RPS6KA5: variants seen among roughly 807,000 people sequenced by gnomAD.
RPS6KA5 encodes the protein ribosomal protein S6 kinase A5.
A neutral mutation model predicts 85.5 loss-of-function variants in RPS6KA5; 27 were observed. The ratio of observed to expected loss-of-function variants is 0.32; its 90% CI spans 0.23 to 0.44. The LOEUF is 0.44. Among genes scored for constraint, RPS6KA5 ranks in the 20% least tolerant of loss-of-function variants. The pLI is 1.00. For synonymous variants in RPS6KA5, 334 were observed against 348.2 expected (o/e 0.96, Z 0.46); for missense variants, 811 against 980.9 (o/e 0.83, Z 2.31).
intron 1 of RPS6KA5, among the ~76,000 whole-genome samples, chr14:91,019,018 T>C (rs946137258): frequency 1.3e-5 from 2 of 152,058 alleles, no homozygotes; most frequent in Non-Finnish European, 2.9e-5. Context: ...TCCAAAGGTT[T>C]TGCACCCTCT....
chr14:90,936,805 T>A (rs1379958901), intron 5 of RPS6KA5, among the ~76,000 whole-genome samples: 7 of 152,068 alleles, frequency 4.6e-5, no homozygotes, highest in Non-Finnish European at 8.8e-5. Flanking sequence ...TCCTGAAGAT[T>A]AAATATATTT....
chr14:90,875,966 T>C (rs938781822), intron 14 of RPS6KA5, among the ~76,000 whole-genome samples: 2 of 150,984 alleles, frequency 1.3e-5, no homozygotes, highest in African/African-American at 4.9e-5. Flanking sequence ...GATGAGTTAA[T>C]GGGTGCAGCA....
At chr14:90,966,316 T>C (rs2039059921) in intron 3 of RPS6KA5, among the ~76,000 whole-genome samples, 1 of 152,180 alleles carries the variant, frequency 6.6e-6, no homozygotes, top group Admixed American at 6.5e-5. Context: ...CAGGGGCTGC[T>C]AGAGAAGCAA....
rs2140121902 is a variant in RPS6KA5 at position 90,866,649 on chromosome 14, T to C, written c.*5425A>G. 1 of 152,360 alleles carries C rather than the reference T, an allele frequency of 6.6e-6. No homozygotes were observed. The allele number at this position is 152,360 out of a possible 1,614,324, so 9.4% of individuals were successfully genotyped here. A position where few individuals can be genotyped will look rare whatever the true frequency, so the allele number is the denominator to read the frequency against. On this transcript the variant is annotated 3_prime_UTR_variant, in exon 17 of 17. Transcript: ENST00000614987. ...CATAGATTGTTGCAGCTTAGATTAT[T>C]TTCAAGAAGTTTAAATTCTACACAT...
intron 14 of RPS6KA5, among the ~76,000 whole-genome samples, chr14:90,876,667 G>C (rs912146574): frequency 2.0e-5 from 3 of 152,134 alleles, no homozygotes; most frequent in African/African-American, 7.2e-5. Flanking sequence ...CTGTGTCTGG[G>C]TATGGACCAG....
chr14:91,052,399 C>A (rs1246872296), intron 1 of RPS6KA5: 2 of 355,892 alleles, frequency 5.6e-6, no homozygotes, highest in South Asian at 2.0e-5. Flanking sequence ...ACCCAGGAGG[C>A]GGAGGTTATA....
intron 1 of RPS6KA5, among the ~76,000 whole-genome samples, chr14:91,022,829 G>A (rs1423874310): frequency 1.3e-5 from 2 of 152,140 alleles, no homozygotes; most frequent in African/African-American, 4.8e-5. Context: ...GCTCACACAT[G>A]TAATCCCAGC....
At chr14:90,887,019 A>G (rs2034270979) in intron 14 of RPS6KA5, among the ~76,000 whole-genome samples, 1 of 152,254 alleles carries the variant, frequency 6.6e-6, no homozygotes, top group Non-Finnish European at 1.5e-5. Context: ...AGGAGACTTC[A>G]AATAAATTTT....
At chr14:90,876,188 A>G (rs1217870405) in intron 14 of RPS6KA5, among the ~76,000 whole-genome samples, 1 of 152,236 alleles carries the variant, frequency 6.6e-6, no homozygotes, top group Non-Finnish European at 1.5e-5. Context: ...AAGAACAGAA[A>G]AGGATAATCC....
At position 91,060,367 on chromosome 14, in the gene RPS6KA5, T is replaced by C. The variant is rs1369945741; in HGVS notation, c.68A>G (p.Glu23Gly). Residue 23 changes from glutamate (E) to glycine (G), a missense_variant, in exon 1 of 17, where the codon GAG (glutamate) becomes GGG (glycine). Transcript: ENST00000614987. ...GTSADGGDGG[E>G]QLLTVKHELR... is the part of the protein sequence containing the mutation. ...CTCGTGCTTGACAGTGAGGAGCTGC[T>C]CTCCTCCGTCGCCGCCGTCCGCGCT... 2 of 1,503,142 alleles carry C rather than the reference T, an allele frequency of 1.3e-6. No homozygotes were observed. The highest frequency in any genetic ancestry group is 2.6e-5 in the South Asian group (2 of 77,844). 93.1% of individuals were successfully genotyped at this position (1,503,142 alleles called of 1,614,324 possible). A position where few individuals can be genotyped will look rare whatever the true frequency, so the allele number is the denominator to read the frequency against.
intron 14 of RPS6KA5, among the ~76,000 whole-genome samples, chr14:90,875,882 T>A (rs2033431855): frequency 8.9e-6 from 1 of 112,612 alleles, no homozygotes; most frequent in Admixed American, 1.3e-4. Flanking sequence ...AAGGGGAACA[T>A]CACACACCGG....
chr14:90,904,302 A>G (rs1487355103), intron 8 of RPS6KA5, among the ~76,000 whole-genome samples: 1 of 152,218 alleles, frequency 6.6e-6, no homozygotes, highest in African/African-American at 2.4e-5. Context: ...CCTGGCCCAT[A>G]AAATGTTTTT....
chr14:90,962,582 C>A (rs549173667), intron 3 of RPS6KA5, among the ~76,000 whole-genome samples: 4 of 150,220 alleles, frequency 2.7e-5, no homozygotes, highest in Non-Finnish European at 4.4e-5. Context: ...CCACCATGCC[C>A]GGCCTAGATT....
intron 2 of RPS6KA5, among the ~76,000 whole-genome samples, chr14:90,982,687 T>C (rs755320233): frequency 6.6e-6 from 1 of 152,082 alleles, no homozygotes; most frequent in African/African-American, 2.4e-5. Flanking sequence ...TTAAGAAATA[T>C]AAGCAAGGGG....
At chr14:91,058,338 T>C (rs2043409766) in intron 1 of RPS6KA5, among the ~76,000 whole-genome samples, 1 of 152,170 alleles carries the variant, frequency 6.6e-6, no homozygotes, top group African/African-American at 2.4e-5. Context: ...ATTCACACAG[T>C]TAGAAGAGAG....
rs1000368262 is a variant in RPS6KA5 at position 91,060,574 on chromosome 14, CTT to C, written c.-142_-141del. Reference sequence around the variant, plus strand: ...AGAACTCGGACGCAAAGACGAGTCTCTTTCCCGCTCTGGCCGCACGGCTCGCT... The same window carrying C: ...AGAACTCGGACGCAAAGACGAGTCTCTCCCGCTCTGGCCGCACGGCTCGCT... On this transcript the variant is annotated 5_prime_UTR_variant, in exon 1 of 17. Transcript: ENST00000614987. 1 of 1,101,922 alleles carries C rather than the reference CTT, an allele frequency of 9.1e-7. No individual in the cohort carries two copies. The highest frequency in any genetic ancestry group is 3.3e-5 in the East Asian group (1 of 30,420). The allele number at this position is 1,101,922 out of a possible 1,614,324, so 68.3% of individuals were successfully genotyped here.
At chr14:90,882,401 G>C (rs1209674657) in intron 14 of RPS6KA5, among the ~76,000 whole-genome samples, 1 of 152,210 alleles carries the variant, frequency 6.6e-6, no homozygotes, top group Non-Finnish European at 1.5e-5. Context: ...AAAAGGTGAA[G>C]TTATAAACTG....
intron 1 of RPS6KA5, among the ~76,000 whole-genome samples, chr14:91,019,304 G>C (rs2041639951): frequency 1.3e-5 from 2 of 152,176 alleles, no homozygotes; most frequent in African/African-American, 4.8e-5. Context: ...AGTGGACTTT[G>C]AGTAAAGCAG....
chr14:90,919,572 T>C (rs918275750), intron 7 of RPS6KA5, among the ~76,000 whole-genome samples: 3 of 152,134 alleles, frequency 2.0e-5, no homozygotes, highest in Non-Finnish European at 4.4e-5. Flanking sequence ...ACCCATTTTA[T>C]CCCTCAAATA....
Sources: gnomAD v4.1 joint callset for allele counts (sites outside exome capture counted in the v4.1 genomes callset) on GRCh38, gnomAD v4.1.1 for gene constraint, MANE v1.5 for transcripts, NCBI Gene and HGNC (gene_info 2026-07-23, HGNC 2026-07-21) for gene names.